The following DOCK4 variants were observed in gnomAD, a reference collection of about 807,000 sequenced individuals.
The protein encoded by DOCK4 is dedicator of cytokinesis 4.
A neutral mutation model predicts 268.1 loss-of-function variants in DOCK4; 97 were observed. The observed-to-expected ratio is 0.36, with a 90% CI of 0.31 to 0.43. DOCK4 has a LOEUF of 0.43. DOCK4 is among the 20% of genes least tolerant of loss of function. The pLI, the probability that DOCK4 is intolerant of heterozygous loss-of-function variation, is 1.00. For missense variants in DOCK4, 2,145 were observed against 2,455.7 expected (o/e 0.87, Z 2.67); for synonymous variants, 954 against 887.2 (o/e 1.08, Z -1.34).
rs527734983 is a variant in DOCK4 at position 111,994,338 on chromosome 7, C to T, written c.219-107G>A. ...AAAAGAAAGCTGCCTAGCTATTGTT[C>T]GTTCTACAGACAGTAACCAGGATCT... On this transcript the variant is annotated intron_variant, in intron 4 of 52. Coordinates refer to ENST00000428084, the MANE Select transcript of DOCK4 (RefSeq NM_001363540.2). The T allele has an allele frequency of 2.0e-4, 121 of 604,442 alleles. No homozygotes were observed. In the East Asian group the frequency reaches 3.0e-3, roughly 15 times the overall value. The allele number at this position is 604,442 out of a possible 1,614,324, so 37.4% of individuals were successfully genotyped here. A position where few individuals can be genotyped will look rare whatever the true frequency, so the allele number is the denominator to read the frequency against.
intron 8 of DOCK4, among the ~76,000 whole-genome samples, chr7:111,957,085 T>C (rs1286559963): frequency 6.6e-6 from 1 of 152,184 alleles, no homozygotes; most frequent in Non-Finnish European, 1.5e-5. Flanking sequence ...GCTTAACTGA[T>C]AGGAAAATGT....
intron 32 of DOCK4, chr7:111,788,428 T>C (rs983685017): frequency 3.6e-5 from 18 of 505,510 alleles, no homozygotes; most frequent in African/African-American, 2.7e-4. Context: ...ATGTAACATA[T>C]GCAACCTGTC....
intron 1 of DOCK4, among the ~76,000 whole-genome samples, chr7:112,065,732 C>T (rs1368274563): frequency 2.6e-5 from 4 of 151,984 alleles, no homozygotes; most frequent in Non-Finnish European, 5.9e-5. Context: ...CTTCCAAGTT[C>T]CACTTCAACA....
Position 112,021,171 on chromosome 7 carries a change from A to C in DOCK4, c.38-17040T>G, listed in dbSNP as rs192495947. On this transcript the variant is annotated intron_variant, in intron 1 of 52. Transcript: ENST00000428084. ...TCCAGAAATCAGCCTTTTATATTTA[A>C]GAATAAAAAAGAATCAATAAAATGC... is the stretch of plus-strand genomic sequence containing the variant. Among the ~76,000 whole-genome samples the C allele has an allele frequency of 5.4e-4, 82 of 152,320 alleles. 1 individual carries two copies. In the East Asian group the frequency reaches 0.014, roughly 25 times the overall value.
rs570760983 is a variant in DOCK4 at position 111,726,304 on chromosome 7, C to T, written c.*1970G>A. On this transcript the variant is annotated 3_prime_UTR_variant, in exon 53 of 53. Transcript: ENST00000428084. Reference sequence around the variant, plus strand: ...AAAAAATGGCTCCAAGAGCAAATAACACTGATTTATAATGTGCCCAAGCAC... The same window carrying T: ...AAAAAATGGCTCCAAGAGCAAATAATACTGATTTATAATGTGCCCAAGCAC... 8 of 152,656 alleles carry T rather than the reference C, an allele frequency of 5.2e-5. No homozygotes were observed. In the South Asian group the frequency reaches 1.5e-3, roughly 28 times the overall value. 9.5% of individuals were successfully genotyped at this position (152,656 alleles called of 1,614,324 possible).
In DOCK4 at chr7:111,872,132, C is replaced by G. The variant is rs1324417281; in HGVS notation, c.1927-42G>C. On this transcript the variant is annotated intron_variant, in intron 19 of 52. Transcript: ENST00000428084. ...GAGCTTTATAAAACTAAATGCAAATCAAGGTTTTCCTTTTTTTTTTGCTTC... is the reference window on the plus strand; with the variant it reads ...GAGCTTTATAAAACTAAATGCAAATGAAGGTTTTCCTTTTTTTTTTGCTTC... The G allele has an allele frequency of 4.8e-6, 7 of 1,461,944 alleles. No individual in the cohort carries two copies. The African/African-American group carries it at 1.0e-4, about 21-fold the overall frequency. The allele number at this position is 1,461,944 out of a possible 1,614,324, so 90.6% of individuals were successfully genotyped here. A position where few individuals can be genotyped will look rare whatever the true frequency, so the allele number is the denominator to read the frequency against.
At chr7:111,781,249 G>C (rs1798768742) in intron 35 of DOCK4, among the ~76,000 whole-genome samples, 2 of 152,168 alleles carry the variant, frequency 1.3e-5, no homozygotes, top group Non-Finnish European at 2.9e-5. Flanking sequence ...CTGGAGTTGA[G>C]GTAGAACCAG....
intron 44 of DOCK4, among the ~76,000 whole-genome samples, chr7:111,743,374 G>C (rs1473673350): frequency 1.3e-5 from 2 of 152,202 alleles, no homozygotes; most frequent in Non-Finnish European, 2.9e-5. Flanking sequence ...TGGCGGGTTG[G>C]GGCATCCAGC....
chr7:111,734,002 A>G (rs1365108111), intron 51 of DOCK4, among the ~76,000 whole-genome samples: 6 of 152,152 alleles, frequency 3.9e-5, no homozygotes, highest in Admixed American at 6.5e-5. Context: ...CAGTGGCTCA[A>G]TCTTGGCTCA....
chr7:111,913,644 C>G (rs1174954048), intron 13 of DOCK4, among the ~76,000 whole-genome samples: 1 of 151,536 alleles, frequency 6.6e-6, no homozygotes, highest in Non-Finnish European at 1.5e-5. Context: ...CTTCTGACCT[C>G]GTGATCCGCC....
At chr7:111,988,465 G>A (rs1186847941) in intron 6 of DOCK4, among the ~76,000 whole-genome samples, 1 of 151,950 alleles carries the variant, frequency 6.6e-6, no homozygotes, top group Non-Finnish European at 1.5e-5. Context: ...AATAAATCTC[G>A]GTCAAGAACA....
chr7:111,848,753 T>C (rs1362584399), intron 23 of DOCK4, among the ~76,000 whole-genome samples: 2 of 152,124 alleles, frequency 1.3e-5, no homozygotes, highest in Non-Finnish European at 2.9e-5. Flanking sequence ...GGCCTATTAA[T>C]GCAAACTTCC....
chr7:112,147,714 G>A (rs1007393391), intron 1 of DOCK4, among the ~76,000 whole-genome samples: 4 of 149,958 alleles, frequency 2.7e-5, no homozygotes, highest in East Asian at 2.0e-4. Context: ...CAAAACCTCC[G>A]TACTGAATTC....
intron 1 of DOCK4, among the ~76,000 whole-genome samples, chr7:112,168,174 T>C (rs1817768610): frequency 6.6e-6 from 1 of 152,204 alleles, no homozygotes; most frequent in African/African-American, 2.4e-5. Context: ...TACCTTTACA[T>C]CATTAATTTT....
At chr7:111,838,179 T>G (rs541333049) in intron 25 of DOCK4, among the ~76,000 whole-genome samples, 19 of 151,592 alleles carry the variant, frequency 1.3e-4, no homozygotes, top group African/African-American at 4.1e-4. Context: ...TAGCATAGCT[T>G]TGGGGATTAG....
intron 1 of DOCK4, among the ~76,000 whole-genome samples, chr7:112,175,687 A>T (rs1268794318): frequency 6.6e-6 from 1 of 152,028 alleles, no homozygotes; most frequent in Non-Finnish European, 1.5e-5. Context: ...AAATGATTAT[A>T]AGAATAAAAA....
chr7:112,045,538 C>G (rs1040408787), intron 1 of DOCK4, among the ~76,000 whole-genome samples: 1 of 152,146 alleles, frequency 6.6e-6, no homozygotes, highest in African/African-American at 2.4e-5. Flanking sequence ...AACACATGAA[C>G]AACTCAGCAA....
intron 1 of DOCK4, among the ~76,000 whole-genome samples, chr7:112,205,030 C>T (rs1387249316): frequency 6.6e-6 from 1 of 152,002 alleles, no homozygotes; most frequent in African/African-American, 2.4e-5. Context: ...GCAGCCTTGT[C>T]GGAGAGCCTG....
rs751632965 is a variant in DOCK4 at position 111,728,664 on chromosome 7, G to A, written c.5538C>T (p.Ile1846=). The change falls in exon 53 of 53, where the codon ATC becomes ATT. Residue 1846 remains isoleucine (I), a synonymous_variant. Transcript: ENST00000428084. ...SPVEYHSPGL[I]SNSPVLSGSY... ...TGCCCGACAAGACAGGGGAGTTGGA[G>A]ATGAGTCCTGGCGAGTGGTACTCCA... The A allele has an allele frequency of 6.2e-7, 1 of 1,614,002 alleles. No individual in the cohort carries two copies. Among genetic ancestry groups the A allele is most frequent in the South Asian group, 1.1e-5 (1 of 91,080 alleles).
Sources: allele counts gnomAD v4.1 joint callset (sites outside exome capture counted in the v4.1 genomes callset), GRCh38; gene constraint gnomAD v4.1.1; transcripts MANE v1.5; gene names NCBI Gene and HGNC (gene_info 2026-07-23, HGNC 2026-07-21).